Variants in DNAAF5 observed in about 807,000 individuals in gnomAD.
DNAAF5 encodes dynein axonemal assembly factor 5.
In DNAAF5, 64 loss-of-function variants were observed where a neutral mutation model predicts 75.8. The ratio of observed to expected loss-of-function variants is 0.84; its 90% confidence interval spans 0.69 to 1.04. The LOEUF is 1.04. DNAAF5 is among the 50% of genes least tolerant of loss of function. DNAAF5 has a pLI of 0.00. For missense variants in DNAAF5, 1,269 were observed against 1,178.5 expected (o/e 1.08, Z -1.12); for synonymous variants, 657 against 557.2 (o/e 1.18, Z -2.52).
chr7:762,010 A>C, intron 7 of DNAAF5, 114 bp downstream of exon 7: 1 of 72,958 alleles, frequency 1.4e-5, no homozygotes, highest in Non-Finnish European at 2.1e-5. Flanking sequence ...ACCAGCAAAG[A>C]CCAGGGATTG....
intron 9 of DNAAF5, among the ~76,000 whole-genome samples, chr7:773,533 G>T (rs1485892737): frequency 6.8e-6 from 1 of 148,072 alleles, no homozygotes; most frequent in Non-Finnish European, 1.5e-5. Flanking sequence ...TGGCCCTTGG[G>T]TCCCCGGACC....
intron 2 of DNAAF5, among the ~76,000 whole-genome samples, chr7:739,094 G>A (rs976982864): frequency 9.4e-6 from 1 of 106,942 alleles, no homozygotes. Flanking sequence ...TCTCAGCCAC[G>A]CCCTCTGCCC....
At chr7:737,542 T>C (rs1156896162) in intron 2 of DNAAF5, among the ~76,000 whole-genome samples, 1 of 152,238 alleles carries the variant, frequency 6.6e-6, no homozygotes, top group Non-Finnish European at 1.5e-5. Flanking sequence ...TGATTTCTTA[T>C]TGCTCCTCAG....
intron 12 of DNAAF5, among the ~76,000 whole-genome samples, chr7:782,691 CCGT>C (rs1779009381): frequency 5.2e-5 from 6 of 116,464 alleles, no homozygotes; most frequent in Non-Finnish European, 1.1e-4. Flanking sequence ...TGGCCGCCTC[CCGT>C]CACGCAGCGT....
chr7:736,934 A>G (rs886485778), intron 2 of DNAAF5, among the ~76,000 whole-genome samples: 9 of 152,164 alleles, frequency 5.9e-5, no homozygotes, highest in Non-Finnish European at 8.8e-5. Flanking sequence ...TTAAACTGAT[A>G]GCTGAACACT....
At chr7:770,406 T>G in intron 8 of DNAAF5, 65 bp from the exon 9 acceptor site, 2 of 1,528,580 alleles carry the variant, frequency 1.3e-6, no homozygotes, top group Non-Finnish European at 1.8e-6. Flanking sequence ...CCTGGGCCTG[T>G]GCTGGATGGG....
intron 11 of DNAAF5, among the ~76,000 whole-genome samples, chr7:776,892 C>G (rs1778779243): frequency 6.6e-6 from 1 of 152,198 alleles, no homozygotes; most frequent in Admixed American, 6.5e-5. Context: ...ACGGCTGCTC[C>G]CCATCTTTTG....
At chr7:770,718 C>T (rs937087333) in intron 9 of DNAAF5, 100 bp downstream of exon 9, 6 of 1,172,646 alleles carry the variant, frequency 5.1e-6, no homozygotes, top group East Asian at 2.4e-5. Flanking sequence ...GGGTTCCCAC[C>T]TCCTTCCCCA....
chr7:780,227 G>A (rs950420530), intron 12 of DNAAF5, 83 bp downstream of exon 12: 9 of 1,324,656 alleles, frequency 6.8e-6, no homozygotes, highest in East Asian at 2.4e-5. Flanking sequence ...CCGTGTGACC[G>A]GCCACAGGGC....
intron 1 of DNAAF5, among the ~76,000 whole-genome samples, chr7:728,001 C>A (rs1303228722): frequency 6.6e-6 from 1 of 151,974 alleles, no homozygotes; most frequent in Non-Finnish European, 1.5e-5. Context: ...AGACTCTGCT[C>A]TGGTCATTTC....
At chr7:753,867 G>A (rs981586931) in intron 4 of DNAAF5, among the ~76,000 whole-genome samples, 2 of 139,488 alleles carry the variant, frequency 1.4e-5, no homozygotes, top group Non-Finnish European at 3.0e-5. Context: ...ATCATATGGC[G>A]ACGGCTTCGC....
At chr7:774,312 C>G in intron 10 of DNAAF5, 114 bp downstream of exon 10, 1 of 1,129,596 alleles carries the variant, frequency 8.9e-7, no homozygotes, top group Non-Finnish European at 1.2e-6. Context: ...GCACCTCCAC[C>G]TGGGGCCCGT....
At chr7:783,821 C>T (rs1779061146) in intron 12 of DNAAF5, among the ~76,000 whole-genome samples, 2 of 152,094 alleles carry the variant, frequency 1.3e-5, no homozygotes, top group Admixed American at 6.5e-5. Context: ...TTCTCCTACT[C>T]TCAGCCTCAG....
At position 782,575 on chromosome 7, in the gene DNAAF5, G is replaced by A. The variant is rs113918963; in HGVS notation, c.2431+2431G>A. On this transcript the variant is annotated intron_variant, in intron 12 of 12. Coordinates refer to ENST00000297440, the MANE Select transcript of DNAAF5 (RefSeq NM_017802.4). The stretch of plus-strand genomic sequence containing the variant: ...TCCCGTCACGCGGCGTCAGAAACTC[G>A]GATCTTCCCGGCGTGGCCGCGTCCC... 2.0e-3 allele frequency among the ~76,000 whole-genome samples: 295 copies of A among 147,168 alleles called. 6 individuals are homozygous for A. Among genetic ancestry groups the A allele is most frequent in the African/African-American group, 5.8e-3 (223 of 38,498 alleles).
At chr7:760,259 G>A (rs1353622940) in intron 6 of DNAAF5, among the ~76,000 whole-genome samples, 1 of 152,166 alleles carries the variant, frequency 6.6e-6, no homozygotes, top group African/African-American at 2.4e-5. Flanking sequence ...GGGGAATGAG[G>A]CTTAGAGTTT....
At position 761,203 on chromosome 7, in the gene DNAAF5, C is replaced by G. The variant is rs149566712; in HGVS notation, c.1471-550C>G. The stretch of plus-strand genomic sequence containing the variant: ...AGTCTGTGTTCAGTTTTCCCATCAA[C>G]AAGCACGCCCTTTTATGGTTGACAT... On this transcript the variant is annotated intron_variant, in intron 6 of 12. Transcript: ENST00000297440. Among the ~76,000 whole-genome samples the G allele has an allele frequency of 1.1e-3, 168 of 152,320 alleles. 1 individual carries two copies. The highest frequency in any genetic ancestry group is 3.8e-3 in the African/African-American group (159 of 41,582).
chr7:773,924 T>G, intron 9 of DNAAF5, 124 bp from the exon 10 acceptor site: 8 of 1,054,598 alleles, frequency 7.6e-6, no homozygotes, highest in Non-Finnish European at 1.2e-5. Flanking sequence ...AGGGGCCTCG[T>G]GTTTTGGGGT....
intron 4 of DNAAF5, among the ~76,000 whole-genome samples, chr7:749,721 A>C (rs573483075): frequency 2.0e-5 from 3 of 152,172 alleles, no homozygotes; most frequent in Non-Finnish European, 4.4e-5. Flanking sequence ...TTTTTGAGGC[A>C]GACTTGCTCT....
chr7:781,907 T>C (rs1778959450), intron 12 of DNAAF5, among the ~76,000 whole-genome samples: 1 of 152,204 alleles, frequency 6.6e-6, no homozygotes, highest in Non-Finnish European at 1.5e-5. Flanking sequence ...CAGGCGGCGG[T>C]TCTAAGATAC....
Sources: allele counts gnomAD v4.1 joint callset (sites outside exome capture counted in the v4.1 genomes callset), GRCh38; gene constraint gnomAD v4.1.1; transcripts MANE v1.5; gene names NCBI Gene and HGNC (gene_info 2026-07-23, HGNC 2026-07-21).